Variants in CYB5R2 observed in about 807,000 individuals in gnomAD.
CYB5R2 encodes the protein cytochrome b5 reductase 2.
Under a neutral mutation model 29.8 loss-of-function variants are expected in CYB5R2, and 35 were observed. That is an observed-to-expected ratio of 1.17 (90% CI 0.90 to 1.56). The LOEUF is 1.56. Among genes scored for constraint, CYB5R2 ranks in the 40% most tolerant of loss-of-function variants. The pLI is 0.00. For synonymous variants in CYB5R2, 169 were observed against 130.6 expected, an observed-to-expected ratio of 1.29 and a Z score of -2.01; for missense variants, 419 against 346.7, an observed-to-expected ratio of 1.21 and a Z score of -1.66.
At chr11:7,669,766 T>C (rs1318529083) in intron 3 of CYB5R2, 35 bp from the exon 4 acceptor site, 3 of 1,480,654 alleles carry the variant, frequency 2.0e-6, no homozygotes, top group African/African-American at 2.8e-5. Context: ...AGTCAAAGCA[T>C]ATTTAGCTTA....
At chr11:7,672,622 G>GAACACA in intron 2 of CYB5R2, 99 bp from the exon 3 acceptor site, 1 of 1,236,672 alleles carries the variant, frequency 8.1e-7, no homozygotes, top group Non-Finnish European at 1.2e-6. Context: ...CGCTATTCCA[G>GAACACA]CACACACACA....
chr11:7,672,621 A>AGC, intron 2 of CYB5R2, 98 bp from the exon 3 acceptor site: 1 of 820,586 alleles, frequency 1.2e-6, no homozygotes, highest in Non-Finnish European at 1.8e-6. Context: ...GCGCTATTCC[A>AGC]GCACACACAC....
chr11:7,672,795 A>G lies in CYB5R2; in HGVS notation c.31T>C (p.Leu11=), dbSNP rs1855838181. 1.2e-6 allele frequency: 2 copies of G among 1,614,024 alleles called. No individual in the cohort carries two copies. The highest frequency in any genetic ancestry group is 3.3e-5 in the Admixed American group (2 of 60,010). ...GGGTACTTGGCTTCAGGGTCCTGTA[A>G]GGTGATTGGCTCTCTCCTCCTGGAG... MNSRRREPIT[L]QDPEAKYPLP... is the part of the protein sequence containing the mutation. The change falls in exon 2 of 9, where the codon TTA becomes CTA. Residue 11 remains leucine, a synonymous_variant. Coordinates refer to ENST00000299498, the MANE Select transcript of CYB5R2 (RefSeq NM_016229.5).
upstream of CYB5R2, chr11:7,673,638 C>T: frequency 1.0e-6 from 1 of 985,506 alleles, no homozygotes; most frequent in Non-Finnish European, 1.2e-6. Context: ...GCCTCCGCGC[C>T]TCTGGCCTCT....
At chr11:7,674,259 C>A, upstream of CYB5R2, 2 of 1,018,168 alleles carry the variant, frequency 2.0e-6, no homozygotes, top group Non-Finnish European at 2.7e-6. Flanking sequence ...TGGTCCGGGG[C>A]GGGTGTTTGC....
At chr11:7,665,784 A>G in intron 8 of CYB5R2, 1 of 1,458,620 alleles carries the variant, frequency 6.9e-7, no homozygotes. Flanking sequence ...GCTGTCTGTC[A>G]GCTGTCAGCA....
At chr11:7,672,948 G>C (rs2136134444) in intron 1 of CYB5R2, 57 bp from the exon 2 acceptor site, 4 of 1,519,336 alleles carry the variant, frequency 2.6e-6, no homozygotes, top group African/African-American at 1.4e-5. Flanking sequence ...GGACAGGGCA[G>C]CTCTCAGGCG....
At chr11:7,668,822 AAC>A in intron 5 of CYB5R2, 1 of 588,052 alleles carries the variant, frequency 1.7e-6, no homozygotes, top group East Asian at 2.9e-5. Context: ...AGCTGAAGTT[AAC>A]ACAGAGACTC....
chr11:7,671,574 TA>T (rs1161403901), intron 3 of CYB5R2: 1 of 152,158 alleles, frequency 6.6e-6, no homozygotes, highest in Non-Finnish European at 1.5e-5. Flanking sequence ...CTCTCGTGCA[TA>T]GAGATGGAGT....
intron 6 of CYB5R2, among the ~76,000 whole-genome samples, chr11:7,668,124 T>C (rs1447289898): frequency 6.6e-6 from 1 of 152,186 alleles, no homozygotes; most frequent in African/African-American, 2.4e-5. Context: ...CCTGGCACAT[T>C]GTATGTCTCC....
intron 6 of CYB5R2, 100 bp downstream of exon 6, chr11:7,668,378 G>T (rs1855482537): frequency 1.1e-6 from 1 of 932,686 alleles, no homozygotes; most frequent in Non-Finnish European, 1.8e-6. Flanking sequence ...ACAGCTGGAG[G>T]CGAAATCTCT....
intron 7 of CYB5R2, chr11:7,666,788 G>A (rs1471352028): frequency 7.7e-6 from 3 of 388,780 alleles, no homozygotes; most frequent in African/African-American, 6.2e-5. Context: ...GGTTCCCATG[G>A]AGCTGCAGTG....
intron 6 of CYB5R2, 56 bp downstream of exon 6, chr11:7,668,422 A>T: frequency 7.4e-7 from 1 of 1,356,210 alleles, no homozygotes; most frequent in Non-Finnish European, 1.1e-6. Flanking sequence ...ATGACTCCCA[A>T]GTCAGAATGG....
At position 7,672,884 on chromosome 11, in the gene CYB5R2, G is replaced by A; in HGVS notation, c.-59C>T. The A allele has an allele frequency of 6.2e-7, 1 of 1,612,690 alleles. No homozygotes were observed. Among genetic ancestry groups the A allele is most frequent in the South Asian group, 1.1e-5 (1 of 90,740 alleles). On this transcript the variant is annotated 5_prime_UTR_variant, in exon 2 of 9. Transcript: ENST00000299498. ...AGTGACGGTGATGGTCAGGAGCAGG[G>A]ACGGGTCCTGGCAGACACAATGTGA...
At chr11:7,670,122 G>A (rs1215851330) in intron 3 of CYB5R2, 5 of 193,268 alleles carry the variant, frequency 2.6e-5, no homozygotes, top group Admixed American at 5.6e-5. Flanking sequence ...GCCCAGAGGC[G>A]GGTGGATTGC....
chr11:7,669,432 A>G, intron 4 of CYB5R2, 98 bp from the exon 5 acceptor site: 1 of 1,442,246 alleles, frequency 6.9e-7, no homozygotes, highest in East Asian at 2.3e-5. Context: ...TTTGCAGAGA[A>G]AGTGTTCTCC....
At chr11:7,666,038 G>A in intron 8 of CYB5R2, 2 of 827,506 alleles carry the variant, frequency 2.4e-6, no homozygotes, top group Admixed American at 2.1e-5. Flanking sequence ...GGCTGCAGCA[G>A]CTGTCTGGGG....
upstream of CYB5R2, chr11:7,673,951 C>A: frequency 9.9e-7 from 1 of 1,008,714 alleles, no homozygotes; most frequent in Non-Finnish European, 1.2e-6. Flanking sequence ...CTCTCACTCA[C>A]GAGCCGCTGG....
intron 5 of CYB5R2, 158 bp from the exon 6 acceptor site, chr11:7,668,719 C>A: frequency 1.5e-6 from 1 of 683,672 alleles, no homozygotes. Flanking sequence ...GTCTCCTCAG[C>A]TAGCCCTGGT....
Sources: gnomAD v4.1 joint callset for allele counts (sites outside exome capture counted in the v4.1 genomes callset) on GRCh38, gnomAD v4.1.1 for gene constraint, MANE v1.5 for transcripts, NCBI Gene and HGNC (gene_info 2026-07-23, HGNC 2026-07-21) for gene names.